The following LDLRAD4 variants were observed in gnomAD, a reference collection of about 807,000 sequenced individuals.
LDLRAD4 encodes the protein low-density lipoprotein receptor class A domain-containing protein 4.
Under a neutral mutation model 17.0 loss-of-function variants are expected in LDLRAD4, and 5 were observed. The observed-to-expected ratio is 0.29, with a 90% CI of 0.15 to 0.62. The LOEUF (loss-of-function observed/expected upper bound fraction) is 0.62. Among genes scored for constraint, LDLRAD4 ranks in the 20% least tolerant of loss-of-function variants. LDLRAD4 has a pLI of 0.84. For synonymous variants in LDLRAD4, 168 were observed against 171.8 expected, an observed-to-expected ratio of 0.98 and a Z score of 0.17; for missense variants, 340 against 424.7, an observed-to-expected ratio of 0.80 and a Z score of 1.75.
At position 13,398,210 on chromosome 18, in the gene LDLRAD4, A is replaced by ATAC. The variant is rs1238633784; in HGVS notation, c.40+10451_40+10453dup. 1.3e-5 allele frequency among the ~76,000 whole-genome samples: 2 copies of ATAC among 152,182 alleles called. No homozygotes were observed. Among genetic ancestry groups the ATAC allele is most frequent in the Non-Finnish European group, 2.9e-5 (2 of 68,034 alleles). On this transcript the variant is annotated intron_variant, in intron 2 of 5. Coordinates refer to ENST00000359446, the Ensembl canonical transcript of LDLRAD4. This position sits in a 1 kb window ranked among gnomAD's most constrained non-coding sequence, Gnocchi z 4.8. ...GGCTGAAGCGCCGAACCCAACGCAAATACTAAGCATTTGATGGGGTTGTCT... is the reference window on the plus strand; with the variant it reads ...GGCTGAAGCGCCGAACCCAACGCAAATACTACTAAGCATTTGATGGGGTTGTCT...
rs187028370 is a variant in LDLRAD4, at chr18:13,270,040, C to T, written c.-466-8065C>T. ...GCTGTCTAGAGCCGTGTCACTGGAC[C>T]GCTGTGCTGGTGTCTCCTGGGGGCT... On this transcript the variant is annotated intron_variant, in intron 1 of 5. Coordinates refer to the LDLRAD4 transcript ENST00000399848. Among the ~76,000 whole-genome samples the T allele has an allele frequency of 7.2e-4, 109 of 152,192 alleles. 1 individual carries two copies. The highest frequency in any genetic ancestry group is 2.0e-3 in the African/African-American group (83 of 41,510).
chr18:13,226,479 A>G (rs926979319), intron 1 of LDLRAD4, among the ~76,000 whole-genome samples: 5 of 151,904 alleles, frequency 3.3e-5, no homozygotes, highest in African/African-American at 1.2e-4. Context: ...CACCCTTGTC[A>G]ATGCCGAATA....
At chr18:13,328,148 A>C (rs1187951044) in intron 1 of LDLRAD4, among the ~76,000 whole-genome samples, 1 of 152,146 alleles carries the variant, frequency 6.6e-6, no homozygotes, top group African/African-American at 2.4e-5. Flanking sequence ...TCTTCCTGAT[A>C]CAAAGCCGCT....
In LDLRAD4 at chr18:13,445,773, G is replaced by A. The variant is rs184457315; in HGVS notation, c.181+7389G>A. ...TGGGTGTGTGCATGTGTGGGTGTGTGTGTGTGTGAGGTTGAGTCTCTGGTG... is the reference window on the plus strand; with the variant it reads ...TGGGTGTGTGCATGTGTGGGTGTGTATGTGTGTGAGGTTGAGTCTCTGGTG... On this transcript the variant is annotated intron_variant, in intron 3 of 5. Transcript: ENST00000359446. 4.5e-4 allele frequency among the ~76,000 whole-genome samples: 68 copies of A among 151,522 alleles called. No individual in the cohort carries two copies. In the East Asian group the frequency reaches 0.012, roughly 27 times the overall value.
At chr18:13,394,634 C>T (rs1355558580) in intron 2 of LDLRAD4, among the ~76,000 whole-genome samples, 2 of 152,210 alleles carry the variant, frequency 1.3e-5, no homozygotes, top group East Asian at 1.9e-4. Flanking sequence ...AGGGAGACTT[C>T]GTGATGGTGA....
At chr18:13,642,928 G>GTTT (rs113846373) in intron 4 of LDLRAD4, among the ~76,000 whole-genome samples, 42 of 133,834 alleles carry the variant, frequency 3.1e-4, no homozygotes, top group African/African-American at 1.2e-3. Context: ...TCTATTTTTT[G>GTTT]TTTTTTTTTT....
chr18:13,413,214 G>A (rs1339098083), intron 2 of LDLRAD4, among the ~76,000 whole-genome samples: 1 of 152,218 alleles, frequency 6.6e-6, no homozygotes, highest in Non-Finnish European at 1.5e-5. Context: ...TGCGTTTTCT[G>A]TTGCAAAGGC....
chr18:13,219,447 A>C (rs2145286556), intron 1 of LDLRAD4, among the ~76,000 whole-genome samples: 1 of 151,740 alleles, frequency 6.6e-6, no homozygotes, highest in East Asian at 1.9e-4. Context: ...TTTTCTAATT[A>C]TTTTGGCATC....
intron 1 of LDLRAD4, among the ~76,000 whole-genome samples, chr18:13,238,262 G>C (rs553989290): frequency 6.6e-6 from 1 of 152,322 alleles, no homozygotes; most frequent in East Asian, 1.9e-4. Context: ...TCGATGACTG[G>C]TCGTGGTTTA....
intron 2 of LDLRAD4, among the ~76,000 whole-genome samples, chr18:13,389,646 C>A (rs2086112809): frequency 6.6e-6 from 1 of 152,196 alleles, no homozygotes; most frequent in East Asian, 1.9e-4. Flanking sequence ...GTGGAGGCCA[C>A]AGGGTGGCCC....
At chr18:13,260,772 G>T (rs1372334530) in intron 1 of LDLRAD4, among the ~76,000 whole-genome samples, 1 of 152,164 alleles carries the variant, frequency 6.6e-6, no homozygotes. Context: ...AATACCCACT[G>T]TTCCTTCCGG....
chr18:13,524,797 C>G (rs575510054), intron 3 of LDLRAD4, among the ~76,000 whole-genome samples: 5 of 152,224 alleles, frequency 3.3e-5, no homozygotes, highest in Non-Finnish European at 5.9e-5. Flanking sequence ...TTGCGTTTTT[C>G]TCCACATCAG....
chr18:13,226,809 A>G (rs1186684325), intron 1 of LDLRAD4, among the ~76,000 whole-genome samples: 1 of 152,198 alleles, frequency 6.6e-6, no homozygotes, highest in East Asian at 1.9e-4. Context: ...TTCTAATAAC[A>G]TGTCTTTTAA....
intron 2 of LDLRAD4, among the ~76,000 whole-genome samples, chr18:13,432,358 C>G (rs76869392): frequency 0.017 from 2,596 of 152,296 alleles, 70 homozygotes; most frequent in African/African-American, 0.058. Flanking sequence ...TTTCAACCTC[C>G]CTGAAGGCTG....
chr18:13,611,591 A>T (rs1462779227), intron 3 of LDLRAD4: 1 of 985,312 alleles, frequency 1.0e-6, no homozygotes, highest in African/African-American at 1.7e-5. Context: ...CTCCTGAGAC[A>T]TGTCTCTGCT....
chr18:13,383,582 A>C (rs1260922414), intron 1 of LDLRAD4, among the ~76,000 whole-genome samples: 1 of 152,212 alleles, frequency 6.6e-6, no homozygotes, highest in Non-Finnish European at 1.5e-5. Flanking sequence ...CAGCTCCTCC[A>C]ACTTTTACCC....
At chr18:13,351,017 G>C (rs150707881) in intron 1 of LDLRAD4, among the ~76,000 whole-genome samples, 3 of 152,264 alleles carry the variant, frequency 2.0e-5, no homozygotes, top group African/African-American at 7.2e-5. Context: ...GTACCATGCT[G>C]TTTTGGTTAC....
intron 3 of LDLRAD4, among the ~76,000 whole-genome samples, chr18:13,573,743 T>TGTA (rs2094726311): frequency 6.6e-6 from 1 of 152,154 alleles, no homozygotes; most frequent in African/African-American, 2.4e-5. Context: ...TTGGTAGAAT[T>TGTA]GTAATCAAAG....
chr18:13,435,919 C>G (rs934009215), intron 2 of LDLRAD4, among the ~76,000 whole-genome samples: 4 of 152,222 alleles, frequency 2.6e-5, no homozygotes, highest in African/African-American at 4.8e-5. Context: ...ACAAGTGAGT[C>G]TCTCACATTC....
Sources: gnomAD v4.1 joint callset for allele counts (sites outside exome capture counted in the v4.1 genomes callset) on GRCh38, gnomAD v4.1.1 for gene constraint, Gnocchi (gnomAD v3.1) non-coding constraint, MANE v1.5 for transcripts, NCBI Gene and HGNC (gene_info 2026-07-23, HGNC 2026-07-21) for gene names.